The following PCDHA4 variants were observed in gnomAD, a reference collection of about 807,000 sequenced individuals.
PCDHA4 encodes protocadherin alpha 4, also known as protocadherin alpha-4.
Under a neutral mutation model 61.4 loss-of-function variants are expected in PCDHA4, and 49 were observed. The observed-to-expected ratio is 0.80, with a 90% CI of 0.63 to 1.01. The LOEUF is 1.01. Among genes scored for constraint, PCDHA4 ranks in the 50% least tolerant of loss-of-function variants. The pLI, the probability that PCDHA4 is intolerant of heterozygous loss-of-function variation, is 0.00. For synonymous variants in PCDHA4, 590 were observed against 550.3 expected (o/e 1.07, Z -1.01); for missense variants, 1,254 against 1,235.8 (o/e 1.01, Z -0.22).
intron 1 of PCDHA4, among the ~76,000 whole-genome samples, chr5:140,944,030 A>G (rs1272534224): frequency 1.3e-5 from 2 of 152,214 alleles, no homozygotes; most frequent in East Asian, 1.9e-4. Context: ...TCTTCAAAAT[A>G]TGGAAAACCA....
At chr5:140,864,520 C>T (rs1354044181) in intron 1 of PCDHA4, 1 of 152,154 alleles carries the variant, frequency 6.6e-6, no homozygotes, top group Admixed American at 6.5e-5. Context: ...GGTGATTTTA[C>T]TTCTTAATTT....
intron 1 of PCDHA4, among the ~76,000 whole-genome samples, chr5:140,962,388 C>T (rs782676502): frequency 5.9e-5 from 9 of 152,254 alleles, no homozygotes; most frequent in South Asian, 4.1e-4. Flanking sequence ...GTTAATATTA[C>T]GCAATCTGCC....
intron 2 of PCDHA4, 176 bp downstream of exon 2, chr5:140,979,183 G>C (rs2096838721): frequency 1.1e-6 from 1 of 925,482 alleles, no homozygotes; most frequent in Admixed American, 6.2e-5. Context: ...CAAATGGTCA[G>C]TGCCAGATGC....
rs2150519656 is a variant in PCDHA4, at chr5:140,852,588, T to TA, written c.2385+43016_2385+43017insA. On this transcript the variant is annotated intron_variant, in intron 1 of 3. Transcript: ENST00000530339. ...ACTGTGCCAAGGCTTTTTTATTTTT[T>TA]TTTTTTGTCATTTTCTTTCAAAACT... is the stretch of plus-strand genomic sequence containing the variant. The TA allele has an allele frequency of 3.3e-3, 2,940 of 881,502 alleles. 187 individuals are homozygous for TA. In the African/African-American group the frequency reaches 0.044, roughly 13 times the overall value. The allele number at this position is 881,502 out of a possible 1,614,324, so 54.6% of individuals were successfully genotyped here.
chr5:140,917,324 C>CGGGGGGG (rs1299895515), intron 1 of PCDHA4, among the ~76,000 whole-genome samples: 2 of 76,152 alleles, frequency 2.6e-5, no homozygotes, highest in African/African-American at 4.3e-5. Flanking sequence ...GTTCATGTGG[C>CGGGGGGG]GGGGGAGGGG....
chr5:140,868,540 A>T (rs1244659306), intron 1 of PCDHA4: 2 of 152,656 alleles, frequency 1.3e-5, no homozygotes, highest in Admixed American at 6.5e-5. Flanking sequence ...AAACAATTCA[A>T]ATTTGATAGT....
chr5:140,823,838 C>T (rs1767894388), intron 1 of PCDHA4: 2 of 1,613,824 alleles, frequency 1.2e-6, no homozygotes, highest in Middle Eastern at 1.7e-4. Flanking sequence ...GCTGTGGGTC[C>T]CGAGGCTGCC....
intron 1 of PCDHA4, among the ~76,000 whole-genome samples, chr5:140,961,949 T>G (rs868952671): frequency 2.0e-5 from 3 of 151,876 alleles, no homozygotes; most frequent in Non-Finnish European, 4.4e-5. Context: ...AGTGGCATGA[T>G]CTCGGCTCAC....
intron 1 of PCDHA4, among the ~76,000 whole-genome samples, chr5:140,892,021 G>A (rs2063355611): frequency 6.6e-6 from 1 of 152,160 alleles, no homozygotes; most frequent in Admixed American, 6.5e-5. Context: ...AGCACAAATG[G>A]TCTAAGATAC....
At chr5:140,869,837 C>G (rs374182289) in intron 1 of PCDHA4, 1 of 1,611,484 alleles carries the variant, frequency 6.2e-7, no homozygotes, top group African/African-American at 1.3e-5. Context: ...TTTGATAAAT[C>G]AGAATATAAG....
At chr5:140,969,436 A>G (rs1289383219) in intron 1 of PCDHA4, 2 of 1,549,954 alleles carry the variant, frequency 1.3e-6, no homozygotes, top group Non-Finnish European at 1.7e-6. Flanking sequence ...GACAAGAGTT[A>G]TCTGGTAAAC....
intron 1 of PCDHA4, chr5:140,930,195 G>A (rs1427541259): frequency 6.6e-6 from 1 of 152,140 alleles, no homozygotes; most frequent in East Asian, 1.9e-4. Context: ...TAATTTTTAT[G>A]TCAGAAATAT....
intron 1 of PCDHA4, chr5:140,857,918 G>T (rs1243844248): frequency 6.3e-7 from 1 of 1,597,708 alleles, no homozygotes; most frequent in Non-Finnish European, 8.6e-7. Context: ...GTTTCGCGTG[G>T]GGCTGTACAC....
At chr5:140,939,335 T>A (rs1195092720) in intron 1 of PCDHA4, among the ~76,000 whole-genome samples, 2 of 152,080 alleles carry the variant, frequency 1.3e-5, no homozygotes, top group Non-Finnish European at 2.9e-5. Context: ...ATCTTAGGGG[T>A]TAGCATTTCA....
intron 1 of PCDHA4, chr5:140,823,692 C>T (rs2150128224): frequency 2.5e-6 from 4 of 1,613,934 alleles, no homozygotes; most frequent in South Asian, 1.1e-5. Context: ...TGGATGAGAC[C>T]GAAGCACCGC....
chr5:140,963,861 G>A (rs2095794580), intron 1 of PCDHA4, among the ~76,000 whole-genome samples: 1 of 152,172 alleles, frequency 6.6e-6, no homozygotes, highest in Admixed American at 6.5e-5. Flanking sequence ...ATAACCGTAT[G>A]AGTTTTGCTT....
chr5:140,815,203 G>A (rs1390134437), intron 1 of PCDHA4: 1 of 152,036 alleles, frequency 6.6e-6, no homozygotes, highest in East Asian at 1.9e-4. Flanking sequence ...ATTATTGATA[G>A]GGCATAACTT....
Position 140,982,457 on chromosome 5 carries a change from G to A in PCDHA4, c.2445-18G>A, listed in dbSNP as rs782510565. 6.2e-7 allele frequency: 1 copy of A among 1,613,966 alleles called. No homozygotes were observed. Among genetic ancestry groups the A allele is most frequent in the African/African-American group, 1.3e-5 (1 of 74,916 alleles). ...AATTTATGATCTAACCGTTATCTGG[G>A]TCTGTGTGTTTATTCAGCTCTGTGC... On this transcript the variant is annotated intron_variant, in intron 2 of 3. Transcript: ENST00000530339.
At chr5:140,958,400 A>G (rs1236102640) in intron 1 of PCDHA4, among the ~76,000 whole-genome samples, 1 of 152,196 alleles carries the variant, frequency 6.6e-6, no homozygotes, top group African/African-American at 2.4e-5. Context: ...ATCAAACATT[A>G]TCACTGATGC....
Sources: allele counts gnomAD v4.1 joint callset (sites outside exome capture counted in the v4.1 genomes callset), GRCh38; gene constraint gnomAD v4.1.1; transcripts MANE v1.5; gene names NCBI Gene and HGNC (gene_info 2026-07-23, HGNC 2026-07-21).